ADAMTS18: variants seen among roughly 807,000 people sequenced by gnomAD.
ADAMTS18 encodes the protein A disintegrin and metalloproteinase with thrombospondin motifs 18.
In ADAMTS18, 157 loss-of-function variants were observed where a neutral mutation model predicts 165.9. The observed-to-expected ratio is 0.95, with a 90% confidence interval of 0.83 to 1.08. ADAMTS18 has a LOEUF of 1.08. Among genes scored for constraint, ADAMTS18 ranks in the 50% least tolerant of loss-of-function variants. The probability of loss-of-function intolerance (pLI) is 0.00; values close to 1 mark genes in which losing one functional copy is unlikely to be tolerated. For synonymous variants in ADAMTS18, 782 were observed against 578.2 expected (o/e 1.35, Z -5.06); for missense variants, 2,040 against 1,534.0 (o/e 1.33, Z -5.51).
intron 11 of ADAMTS18, among the ~76,000 whole-genome samples, chr16:77,337,216 C>T (rs1597140144): frequency 6.6e-6 from 1 of 152,144 alleles, no homozygotes; most frequent in East Asian, 1.9e-4. Flanking sequence ...GGCTATCGGT[C>T]ATTTGAGGAT....
At chr16:77,379,905 C>G (rs924051451) in intron 3 of ADAMTS18, among the ~76,000 whole-genome samples, 3 of 152,296 alleles carry the variant, frequency 2.0e-5, no homozygotes, top group South Asian at 2.1e-4. Flanking sequence ...GTTCACGCAG[C>G]TGCATCACTG....
At chr16:77,404,700 T>C (rs749137116) in intron 3 of ADAMTS18, among the ~76,000 whole-genome samples, 16 of 152,182 alleles carry the variant, frequency 1.1e-4, no homozygotes, top group East Asian at 7.7e-4. Context: ...TGTTTTCTAA[T>C]GTATTTCTCA....
chr16:77,390,423 G>A (rs894162196), intron 3 of ADAMTS18, among the ~76,000 whole-genome samples: 23 of 152,050 alleles, frequency 1.5e-4, no homozygotes, highest in African/African-American at 1.7e-4. Flanking sequence ...CAGGTGCGAT[G>A]GCTCACATCT....
At chr16:77,369,440 T>G (rs1282818896) in intron 3 of ADAMTS18, among the ~76,000 whole-genome samples, 1 of 152,166 alleles carries the variant, frequency 6.6e-6, no homozygotes, top group Non-Finnish European at 1.5e-5. Flanking sequence ...GTTGGGTTAT[T>G]TTTGGGATCT....
At chr16:77,407,078 C>T (rs1484428517) in intron 3 of ADAMTS18, among the ~76,000 whole-genome samples, 2 of 151,914 alleles carry the variant, frequency 1.3e-5, no homozygotes, top group Non-Finnish European at 1.5e-5. Flanking sequence ...CACATATATA[C>T]CTCCTGAATC....
intron 3 of ADAMTS18, among the ~76,000 whole-genome samples, chr16:77,377,361 G>C (rs2056968443): frequency 6.6e-6 from 1 of 152,110 alleles, no homozygotes; most frequent in Admixed American, 6.6e-5. Flanking sequence ...AAGAAAATTA[G>C]GAAGCTATAA....
At chr16:77,294,886 G>T in intron 19 of ADAMTS18, 37 bp downstream of exon 19, 1 of 1,603,790 alleles carries the variant, frequency 6.2e-7, no homozygotes, top group South Asian at 1.1e-5. Context: ...CCTTCATGGG[G>T]ACCGAGAATA....
chr16:77,333,801 T>A (rs2056230055), intron 12 of ADAMTS18, among the ~76,000 whole-genome samples: 1 of 147,718 alleles, frequency 6.8e-6, no homozygotes, highest in African/African-American at 2.5e-5. Context: ...TGCTAGATAG[T>A]ATAGTACAGA....
chr16:77,289,186 C>T (rs1163320157), intron 22 of ADAMTS18, 78 bp downstream of exon 22: 1 of 1,547,544 alleles, frequency 6.5e-7, no homozygotes, highest in African/African-American at 1.4e-5. Flanking sequence ...ATGTCACAGG[C>T]TGCACTACTA....
chr16:77,376,292 C>G (rs2056951539), intron 3 of ADAMTS18, among the ~76,000 whole-genome samples: 1 of 152,188 alleles, frequency 6.6e-6, no homozygotes, highest in Non-Finnish European at 1.5e-5. Flanking sequence ...CTCATGCAAA[C>G]TCACTATCAT....
intron 3 of ADAMTS18, among the ~76,000 whole-genome samples, chr16:77,375,389 T>C (rs1486241431): frequency 2.0e-5 from 3 of 151,762 alleles, no homozygotes; most frequent in Non-Finnish European, 4.4e-5. Flanking sequence ...CTCAAAAAAA[T>C]AAAATAAGTA....
At chr16:77,419,154 G>GAA (rs72526079) in intron 3 of ADAMTS18, among the ~76,000 whole-genome samples, 18,322 of 151,542 alleles carry the variant, frequency 0.12, 1,212 homozygotes, top group Middle Eastern at 0.31. Context: ...ATCTCAGGGG[G>GAA]AAAAAAAATC....
intron 3 of ADAMTS18, among the ~76,000 whole-genome samples, chr16:77,425,494 T>C (rs1456378579): frequency 1.3e-5 from 2 of 152,234 alleles, no homozygotes; most frequent in Non-Finnish European, 2.9e-5. Context: ...TATTCATCAG[T>C]GGTAAACTCA....
At chr16:77,366,263 A>G (rs1037231181) in intron 4 of ADAMTS18, among the ~76,000 whole-genome samples, 4 of 152,226 alleles carry the variant, frequency 2.6e-5, no homozygotes, top group East Asian at 1.9e-4. Context: ...TGATTCAGCT[A>G]TTGAAAATCT....
At chr16:77,372,153 T>C (rs1173077534) in intron 3 of ADAMTS18, among the ~76,000 whole-genome samples, 1 of 152,174 alleles carries the variant, frequency 6.6e-6, no homozygotes, top group Non-Finnish European at 1.5e-5. Context: ...TGAGAACTGC[T>C]ACACATTGTG....
intron 2 of ADAMTS18, chr16:77,432,279 A>G (rs1028180574): frequency 6.5e-6 from 1 of 152,752 alleles, no homozygotes; most frequent in Non-Finnish European, 1.5e-5. Context: ...TGTAAGCATA[A>G]AATACAGTGC....
intron 3 of ADAMTS18, among the ~76,000 whole-genome samples, chr16:77,376,692 C>T (rs2056958423): frequency 6.6e-6 from 1 of 151,890 alleles, no homozygotes; most frequent in Admixed American, 6.6e-5. Context: ...GATTCTGACC[C>T]AGAGTCAATA....
rs539946412 is a variant in ADAMTS18 at position 77,422,222 on chromosome 16, C to T, written c.495+9073G>A. Among the ~76,000 whole-genome samples the T allele has an allele frequency of 4.6e-5, 7 of 152,070 alleles. No individual in the cohort carries two copies. In the South Asian group the frequency reaches 6.3e-4, roughly 14 times the overall value. ...AAATTTAATGTGGTCCACTGAGGCC[C>T]GCAGACAGGTGAGAGACCATATAAA... On this transcript the variant is annotated intron_variant, in intron 3 of 22. Coordinates refer to ENST00000282849, the MANE Select transcript of ADAMTS18 (RefSeq NM_199355.4).
intron 3 of ADAMTS18, among the ~76,000 whole-genome samples, chr16:77,379,966 T>G (rs1029661463): frequency 1.3e-5 from 2 of 152,170 alleles, no homozygotes; most frequent in African/African-American, 4.8e-5. Context: ...TGGCATGCAG[T>G]GTCTATGCAC....
Sources: allele counts gnomAD v4.1 joint callset (sites outside exome capture counted in the v4.1 genomes callset), GRCh38; gene constraint gnomAD v4.1.1; transcripts MANE v1.5; gene names NCBI Gene and HGNC (gene_info 2026-07-23, HGNC 2026-07-21).